The following RAB8B variants were observed in gnomAD, a reference collection of about 807,000 sequenced individuals.
RAB8B encodes the protein ras-related protein Rab-8B.
A neutral mutation model predicts 32.0 loss-of-function variants in RAB8B; 11 were observed. That is an observed-to-expected ratio of 0.34 (90% CI 0.22 to 0.57). The LOEUF is 0.57. Ranked by LOEUF, RAB8B falls within the 20% of genes least tolerant of loss-of-function variation. The pLI, the probability that RAB8B is intolerant of heterozygous loss-of-function variation, is 0.86. For synonymous variants in RAB8B, 103 were observed against 89.6 expected, an observed-to-expected ratio of 1.15 and a Z score of -0.85; for missense variants, 190 against 258.5, an observed-to-expected ratio of 0.73 and a Z score of 1.82.
chr15:63,249,925 A>G (rs996003267), intron 3 of RAB8B, among the ~76,000 whole-genome samples: 14 of 151,826 alleles, frequency 9.2e-5, no homozygotes, highest in African/African-American at 3.1e-4. Flanking sequence ...TCATGAGGTC[A>G]GGAGATCGAG....
chr15:63,248,413 G>A lies in RAB8B; in HGVS notation c.186-1232G>A, dbSNP rs2038088592. Among the ~76,000 whole-genome samples, 1 of 152,224 alleles carries A rather than the reference G, an allele frequency of 6.6e-6. No homozygotes were observed. Among genetic ancestry groups the A allele is most frequent in the African/African-American group, 2.4e-5 (1 of 41,454 alleles). ...TGTAGTCCCAGCTACTTGGGAGGCT[G>A]AGGCAGGAGAATCGCTTGAACCCAG... On this transcript the variant is annotated intron_variant, in intron 2 of 7. Coordinates refer to ENST00000321437, the MANE Select transcript of RAB8B (RefSeq NM_016530.3). The surrounding 1 kb of genome is among the most constrained non-coding windows in gnomAD (Gnocchi z 4.4).
At position 63,259,652 on chromosome 15, in the gene RAB8B, T is replaced by C; in HGVS notation, c.440T>C (p.Phe147Ser). The C allele has an allele frequency of 6.2e-7, 1 of 1,613,946 alleles. No individual in the cohort carries two copies. The highest frequency in any genetic ancestry group is 1.1e-5 in the South Asian group (1 of 91,082). Residue 147 changes from phenylalanine (F) to serine (S), a missense_variant, in exon 6 of 8, where the codon TTC (phenylalanine) becomes TCC (serine). Phe to Ser is a radical substitution (Grantham distance 155). Transcript: ENST00000321437. The surrounding 1 kb of genome is among the most constrained non-coding windows in gnomAD (Gnocchi z 4.4). Reference protein sequence around the residue: ...EKLAIDYGIKFLETSAKSSAN... With the variant: ...EKLAIDYGIKSLETSAKSSAN... ...CTAGCAATTGACTATGGGATTAAAT[T>C]CTTGGAGACAAGCGCAAAATCCAGT...
rs1308966451 is a variant in RAB8B, at chr15:63,248,292, T to G, written c.186-1353T>G. On this transcript the variant is annotated intron_variant, in intron 2 of 7. Coordinates refer to ENST00000321437, the MANE Select transcript of RAB8B (RefSeq NM_016530.3). The surrounding 1 kb of genome is among the most constrained non-coding windows in gnomAD (Gnocchi z 4.4). ...ACGTTGGGAGGCCGAGGCGGGTAGA[T>G]CACAAGGTCAGGAGTTTGAGACCAG... Among the ~76,000 whole-genome samples, 3 of 152,136 alleles carry G rather than the reference T, an allele frequency of 2.0e-5. No individual in the cohort carries two copies. Among genetic ancestry groups the G allele is most frequent in the Non-Finnish European group, 2.9e-5 (2 of 68,030 alleles).
chr15:63,256,619 G>T (rs374311883), intron 5 of RAB8B, 25 bp downstream of exon 5: 42 of 1,479,954 alleles, frequency 2.8e-5, no homozygotes, highest in Non-Finnish European at 3.6e-5. Context: ...AATGGATAAA[G>T]GTTGGAATCT....
chr15:63,196,537 C>G (rs1162444865), intron 1 of RAB8B, among the ~76,000 whole-genome samples: 2 of 152,132 alleles, frequency 1.3e-5, no homozygotes, highest in East Asian at 3.8e-4. Flanking sequence ...TTGCTGTGAG[C>G]TCCTTAAGGC....
At chr15:63,207,788 T>G (rs911850536) in intron 1 of RAB8B, among the ~76,000 whole-genome samples, 1 of 152,064 alleles carries the variant, frequency 6.6e-6, no homozygotes, top group Non-Finnish European at 1.5e-5. Flanking sequence ...ATGGTCTCGA[T>G]CTCCTGACTT....
intron 1 of RAB8B, among the ~76,000 whole-genome samples, chr15:63,211,736 G>A (rs1290339707): frequency 1.3e-5 from 2 of 152,152 alleles, no homozygotes; most frequent in Non-Finnish European, 2.9e-5. Context: ...TGCAACTAGT[G>A]ACTGGTCATG....
chr15:63,234,633 G>A (rs2037963053), intron 1 of RAB8B, among the ~76,000 whole-genome samples: 1 of 152,144 alleles, frequency 6.6e-6, no homozygotes, highest in African/African-American at 2.4e-5. Flanking sequence ...CAGTACTCTG[G>A]GTAAGAGCTT....
chr15:63,257,608 CT>C (rs888815896), intron 5 of RAB8B, among the ~76,000 whole-genome samples: 153 of 152,082 alleles, frequency 1.0e-3, no homozygotes, highest in Non-Finnish European at 1.6e-3. Context: ...TTGCTGCAAA[CT>C]TTTTTCCCCT....
intron 1 of RAB8B, among the ~76,000 whole-genome samples, chr15:63,242,678 A>AAAAAC (rs1197608828): frequency 7.2e-5 from 11 of 152,170 alleles, no homozygotes; most frequent in African/African-American, 2.4e-4. Context: ...CTCTGTCTCA[A>AAAAAC]AAAACAAAAC....
chr15:63,218,627 T>C (rs923880465), intron 1 of RAB8B, among the ~76,000 whole-genome samples: 7 of 152,346 alleles, frequency 4.6e-5, no homozygotes, highest in South Asian at 2.1e-4. Flanking sequence ...TCATTTGAAA[T>C]GATGTCAGTT....
At chr15:63,250,852 G>A (rs2038111841) in intron 3 of RAB8B, among the ~76,000 whole-genome samples, 2 of 151,170 alleles carry the variant, frequency 1.3e-5, no homozygotes, top group Admixed American at 1.3e-4. Flanking sequence ...GGTACCAGCT[G>A]CCGTCATTCC....
intron 1 of RAB8B, among the ~76,000 whole-genome samples, chr15:63,190,776 G>T (rs2037549517): frequency 6.6e-6 from 1 of 152,126 alleles, no homozygotes; most frequent in Non-Finnish European, 1.5e-5. Flanking sequence ...AAATCCTTCG[G>T]TTTGAATGTT....
chr15:63,215,076 A>T (rs1267825207), intron 1 of RAB8B, among the ~76,000 whole-genome samples: 1 of 152,148 alleles, frequency 6.6e-6, no homozygotes, highest in African/African-American at 2.4e-5. Flanking sequence ...CATATTTGTC[A>T]ATAACTACCA....
chr15:63,215,014 T>C (rs1262041004), intron 1 of RAB8B, among the ~76,000 whole-genome samples: 1 of 152,216 alleles, frequency 6.6e-6, no homozygotes, highest in Non-Finnish European at 1.5e-5. Context: ...CTGATCTCCT[T>C]TCCTATCCCA....
chr15:63,213,128 A>C (rs1595736935), intron 1 of RAB8B, among the ~76,000 whole-genome samples: 1 of 152,152 alleles, frequency 6.6e-6, no homozygotes, highest in South Asian at 2.1e-4. Flanking sequence ...TCTTTTCAGA[A>C]CTAGGGACAA....
intron 1 of RAB8B, among the ~76,000 whole-genome samples, chr15:63,192,044 T>G (rs1437294417): frequency 6.6e-6 from 1 of 152,194 alleles, no homozygotes; most frequent in African/African-American, 2.4e-5. Context: ...GAATCTCATG[T>G]GACATCTTGG....
At chr15:63,217,225 A>G (rs1476044903) in intron 1 of RAB8B, among the ~76,000 whole-genome samples, 1 of 152,188 alleles carries the variant, frequency 6.6e-6, no homozygotes, top group African/African-American at 2.4e-5. Flanking sequence ...CGAGGGCCTA[A>G]TGGTTTGAGG....
chr15:63,252,047 A>G (rs1408201938), intron 3 of RAB8B, among the ~76,000 whole-genome samples: 1 of 152,006 alleles, frequency 6.6e-6, no homozygotes, highest in Non-Finnish European at 1.5e-5. Context: ...GGACCATATC[A>G]TTACATTATT....
Sources: gnomAD v4.1 joint callset for allele counts (sites outside exome capture counted in the v4.1 genomes callset) on GRCh38, gnomAD v4.1.1 for gene constraint, Gnocchi (gnomAD v3.1) non-coding constraint, MANE v1.5 for transcripts, NCBI Gene and HGNC (gene_info 2026-07-23, HGNC 2026-07-21) for gene names.